Variants in WIPI2 observed in about 807,000 individuals in gnomAD.
The protein encoded by WIPI2 is WD repeat domain phosphoinositide-interacting protein 2.
A neutral mutation model predicts 52.3 loss-of-function variants in WIPI2; 28 were observed. The ratio of observed to expected loss-of-function variants is 0.54; its 90% CI spans 0.40 to 0.73. WIPI2 has a LOEUF of 0.73. WIPI2 is among the 30% of genes least tolerant of loss of function. The pLI is 0.00. For missense variants in WIPI2, 506 were observed against 602.9 expected (o/e 0.84, Z 1.68); for synonymous variants, 268 against 245.0 (o/e 1.09, Z -0.88).
intron 2 of WIPI2, among the ~76,000 whole-genome samples, chr7:5,194,324 G>T (rs747085079): frequency 4.8e-4 from 73 of 152,196 alleles, no homozygotes; most frequent in Non-Finnish European, 2.4e-4. Flanking sequence ...ACAGTGTCGG[G>T]CTCTATCCGC....
intron 3 of WIPI2, among the ~76,000 whole-genome samples, chr7:5,203,726 G>A (rs574883199): frequency 9.1e-4 from 134 of 147,968 alleles, no homozygotes; most frequent in African/African-American, 3.2e-3. Flanking sequence ...TCCGCCTCCC[G>A]GATTCGCGCC....
intron 3 of WIPI2, among the ~76,000 whole-genome samples, chr7:5,204,194 C>A (rs1040039632): frequency 6.6e-6 from 1 of 152,060 alleles, no homozygotes; most frequent in African/African-American, 2.4e-5. Flanking sequence ...GGGCCGGGCG[C>A]GGTGGCTCAC....
rs1471495774 is a variant in WIPI2 at position 5,232,450 on chromosome 7, C to T, written c.*1503C>T. The T allele has an allele frequency of 5.0e-6, 2 of 397,556 alleles. No homozygotes were observed. The highest frequency in any genetic ancestry group is 8.9e-6 in the Non-Finnish European group (2 of 225,976). The allele number at this position is 397,556 out of a possible 1,614,324, so 24.6% of individuals were successfully genotyped here. A position where few individuals can be genotyped will look rare whatever the true frequency, so the allele number is the denominator to read the frequency against. On this transcript the variant is annotated 3_prime_UTR_variant, in exon 13 of 13. Transcript: ENST00000288828. ...CTCCCAGCCGCTGGTGTGCGGCACA[C>T]ACAACATCTGCATTAGGCAGAGGTG...
In WIPI2 at chr7:5,227,467, A is replaced by T; in HGVS notation, c.1013+123A>T. The T allele has an allele frequency of 7.4e-7, 1 of 1,349,602 alleles. No homozygotes were observed. Among genetic ancestry groups the T allele is most frequent in the Non-Finnish European group, 9.9e-7 (1 of 1,009,594 alleles). 83.6% of individuals were successfully genotyped at this position (1,349,602 alleles called of 1,614,324 possible). A position where few individuals can be genotyped will look rare whatever the true frequency, so the allele number is the denominator to read the frequency against. ...AGCAGCTTCTTAGAGCCGACACTCC[A>T]TCGAGAGTTGTCGGGGATGGGAGGT... On this transcript the variant is annotated intron_variant, in intron 10 of 12. Coordinates refer to ENST00000288828, the MANE Select transcript of WIPI2 (RefSeq NM_015610.4). The surrounding 1 kb of genome is among the most constrained non-coding windows in gnomAD (Gnocchi z 8.1).
chr7:5,193,469 G>A, intron 2 of WIPI2: 7 of 615,992 alleles, frequency 1.1e-5, no homozygotes, highest in Non-Finnish European at 1.7e-5. Flanking sequence ...GGAGACAACA[G>A]GAGAAACCTG....
intron 8 of WIPI2, among the ~76,000 whole-genome samples, chr7:5,225,128 T>G (rs1194326377): frequency 6.6e-6 from 1 of 152,080 alleles, no homozygotes; most frequent in African/African-American, 2.4e-5. Context: ...GTTGAAAGTT[T>G]TGCTCTGTCT....
intron 2 of WIPI2, among the ~76,000 whole-genome samples, chr7:5,196,445 TC>T (rs1408617867): frequency 6.6e-6 from 1 of 152,220 alleles, no homozygotes; most frequent in Non-Finnish European, 1.5e-5. Context: ...TGTTTCCCTT[TC>T]TTAACGGATT....
chr7:5,224,219 C>G (rs1408581312), intron 8 of WIPI2, among the ~76,000 whole-genome samples: 1 of 152,240 alleles, frequency 6.6e-6, no homozygotes, highest in Non-Finnish European at 1.5e-5. Context: ...CCACCAGGGT[C>G]TTGCGTGAGC....
intron 3 of WIPI2, chr7:5,214,215 C>T: frequency 7.9e-7 from 1 of 1,261,810 alleles, no homozygotes; most frequent in Non-Finnish European, 1.0e-6. Flanking sequence ...CTAGACCTTA[C>T]TCTTTCACTT....
chr7:5,220,843 G>A (rs1163769642), intron 7 of WIPI2, among the ~76,000 whole-genome samples: 1 of 151,846 alleles, frequency 6.6e-6, no homozygotes, highest in African/African-American at 2.4e-5. Flanking sequence ...GCCCAAGCTG[G>A]AGTGCAATGG....
chr7:5,226,030 C>G, intron 9 of WIPI2, 100 bp downstream of exon 9: 2 of 1,185,158 alleles, frequency 1.7e-6, no homozygotes. Context: ...CACCCTCTGA[C>G]ATCGTTAGCC....
intron 8 of WIPI2, among the ~76,000 whole-genome samples, chr7:5,223,676 C>G (rs556364226): frequency 1.3e-5 from 2 of 152,208 alleles, no homozygotes; most frequent in African/African-American, 4.8e-5. Flanking sequence ...TGTAGCCTGG[C>G]TTCCTTCTTG....
rs1328824835 is a variant in WIPI2, at chr7:5,217,112, C to T, written c.501C>T (p.Asn167=). Residue 167 remains asparagine (N), a synonymous_variant, in exon 6 of 13, where the codon AAC becomes AAT. Coordinates refer to ENST00000288828, the MANE Select transcript of WIPI2 (RefSeq NM_015610.4). ...CAGGCCTGTGTGCGCTGTCAATCAA[C>T]AACGACAACTGCTACTTGGCGTACC... The part of the protein sequence containing the change: ...NPAGLCALSI[N]NDNCYLAYPG... 8 of 1,613,406 alleles carry T rather than the reference C, an allele frequency of 5.0e-6. No individual in the cohort carries two copies. Among genetic ancestry groups the T allele is most frequent in the Non-Finnish European group, 5.9e-6 (7 of 1,179,462 alleles).
At chr7:5,213,783 T>G (rs1782678357) in intron 3 of WIPI2, among the ~76,000 whole-genome samples, 1 of 151,822 alleles carries the variant, frequency 6.6e-6, no homozygotes, top group South Asian at 2.1e-4. Context: ...TCCCCCGGGT[T>G]CACACCGTTC....
At chr7:5,203,148 C>T (rs538784107) in intron 3 of WIPI2, among the ~76,000 whole-genome samples, 3 of 152,294 alleles carry the variant, frequency 2.0e-5, no homozygotes, top group South Asian at 2.1e-4. Context: ...ATTTACTTTA[C>T]GGGCCATCAT....
chr7:5,225,473 C>T (rs1336181130), intron 8 of WIPI2, among the ~76,000 whole-genome samples: 1 of 152,094 alleles, frequency 6.6e-6, no homozygotes, highest in Admixed American at 6.6e-5. Context: ...ACTGAGGTTG[C>T]CGATTTACCC....
Position 5,230,498 on chromosome 7 carries a change from C to A in WIPI2, c.1253-337C>A, listed in dbSNP as rs1783680580. On this transcript the variant is annotated intron_variant, in intron 12 of 12. Transcript: ENST00000288828. The surrounding 1 kb of genome is among the most constrained non-coding windows in gnomAD (Gnocchi z 4.8). Reference sequence around the variant, plus strand: ...AACCGGCACTTCCAGTTCATGAGCCCACCCTGAGAGTCTCCTAGTGTCATT... The same window carrying A: ...AACCGGCACTTCCAGTTCATGAGCCAACCCTGAGAGTCTCCTAGTGTCATT... 6.6e-6 allele frequency among the ~76,000 whole-genome samples: 1 copy of A among 152,190 alleles called. No homozygotes were observed. The highest frequency in any genetic ancestry group is 6.5e-5 in the Admixed American group (1 of 15,280).
At chr7:5,225,131 CTCTG>C (rs767042262) in intron 8 of WIPI2, among the ~76,000 whole-genome samples, 8 of 151,794 alleles carry the variant, frequency 5.3e-5, no homozygotes, top group South Asian at 2.1e-4. Context: ...GAAAGTTTTG[CTCTG>C]TCTTTTTTTT....
intron 3 of WIPI2, among the ~76,000 whole-genome samples, chr7:5,211,944 T>G (rs1183934397): frequency 2.6e-5 from 4 of 152,240 alleles, no homozygotes; most frequent in Non-Finnish European, 5.9e-5. Flanking sequence ...CGCGTGCCGC[T>G]GAGCTTCACC....
Sources: allele counts gnomAD v4.1 joint callset (sites outside exome capture counted in the v4.1 genomes callset), GRCh38; gene constraint gnomAD v4.1.1; non-coding constraint Gnocchi (gnomAD v3.1); transcripts MANE v1.5; gene names NCBI Gene and HGNC (gene_info 2026-07-23, HGNC 2026-07-21).